The following BCAS3 variants were observed in gnomAD, a reference collection of about 807,000 sequenced individuals.
BCAS3 encodes the protein BCAS3 microtubule associated cell migration factor.
Under a neutral mutation model 116.1 loss-of-function variants are expected in BCAS3, and 53 were observed. The observed-to-expected ratio is 0.46, with a 90% CI of 0.37 to 0.57. The LOEUF (loss-of-function observed/expected upper bound fraction) is 0.57, where lower values mean the gene tolerates loss of function less well. Among genes scored for constraint, BCAS3 ranks in the 20% least tolerant of loss-of-function variants. The pLI is 0.00. For missense variants in BCAS3, 917 were observed against 1,165.4 expected, an observed-to-expected ratio of 0.79 and a Z score of 3.10; for synonymous variants, 391 against 408.2, an observed-to-expected ratio of 0.96 and a Z score of 0.51.
At chr17:60,835,796 G>A (rs537826167) in intron 7 of BCAS3, among the ~76,000 whole-genome samples, 23 of 152,046 alleles carry the variant, frequency 1.5e-4, no homozygotes, top group African/African-American at 3.4e-4. Context: ...TCATATTCTC[G>A]TGATGAAATT....
rs2076339770 is a variant in BCAS3, at chr17:61,131,511, C to A, written c.2425+46947C>A. On this transcript the variant is annotated intron_variant, in intron 22 of 23. Coordinates refer to ENST00000407086, the MANE Select transcript of BCAS3 (RefSeq NM_017679.5). The surrounding 1 kb of genome is among the most constrained non-coding windows in gnomAD (Gnocchi z 4.4). ...TTAAAATGAAATTATATTCCAAACT[C>A]ATAATTAAGTATGAACAATTTGCAT... is the stretch of plus-strand genomic sequence containing the variant. Among the ~76,000 whole-genome samples the A allele has an allele frequency of 6.6e-6, 1 of 152,166 alleles. No individual in the cohort carries two copies. Among genetic ancestry groups the A allele is most frequent in the South Asian group, 2.1e-4 (1 of 4,834 alleles).
chr17:60,825,857 G>GTTTT lies in BCAS3; in HGVS notation c.476+17796_476+17799dup, dbSNP rs770293138. ...TCTTAATACTATCTCTGGGGATTCA[G>GTTTT]TTTTTTTTTTTTTTTTTTGAGACGA... On this transcript the variant is annotated intron_variant, in intron 7 of 23. Coordinates refer to ENST00000407086, the MANE Select transcript of BCAS3 (RefSeq NM_017679.5). 6.9e-3 allele frequency among the ~76,000 whole-genome samples: 892 copies of GTTTT among 130,034 alleles called. 29 individuals carry two copies. The highest frequency in any genetic ancestry group is 0.023 in the African/African-American group (787 of 33,536). The allele number at this position is 130,034 out of a possible 152,430, so 85.3% of individuals were successfully genotyped here. A position where few individuals can be genotyped will look rare whatever the true frequency, so the allele number is the denominator to read the frequency against.
chr17:61,034,159 G>A lies in BCAS3; in HGVS notation c.1638-507G>A, dbSNP rs941635329. Among the ~76,000 whole-genome samples the A allele has an allele frequency of 3.3e-5, 5 of 152,132 alleles. No homozygotes were observed. Among genetic ancestry groups the A allele is most frequent in the African/African-American group, 1.2e-4 (5 of 41,412 alleles). ...ATTGTGGCCGAGAGAGCATTTTCAA[G>A]GCTTCATTCTATATCACCTCATTTT... On this transcript the variant is annotated intron_variant, in intron 16 of 23. Transcript: ENST00000407086. This position sits in a 1 kb window ranked among gnomAD's most constrained non-coding sequence, Gnocchi z 5.0.
Position 61,017,829 on chromosome 17 carries a change from T to C in BCAS3, c.1637+1928T>C, listed in dbSNP as rs2065568120. Reference sequence around the variant, plus strand: ...TCTCTCTCTCCCTCTTACAACCCGATTTCTCTCTACACTGAGATGAATAGA... The same window carrying C: ...TCTCTCTCTCCCTCTTACAACCCGACTTCTCTCTACACTGAGATGAATAGA... On this transcript the variant is annotated intron_variant, in intron 16 of 23. Coordinates refer to ENST00000407086, the MANE Select transcript of BCAS3 (RefSeq NM_017679.5). The surrounding 1 kb of genome is among the most constrained non-coding windows in gnomAD (Gnocchi z 4.7). 6.6e-6 allele frequency among the ~76,000 whole-genome samples: 1 copy of C among 152,130 alleles called. No homozygotes were observed. The highest frequency in any genetic ancestry group is 1.5e-5 in the Non-Finnish European group (1 of 67,996).
At chr17:61,170,004 GCCACCT>G (rs1747877447) in intron 22 of BCAS3, among the ~76,000 whole-genome samples, 1 of 151,604 alleles carries the variant, frequency 6.6e-6, no homozygotes, top group South Asian at 2.1e-4. Context: ...ACAGATGGAT[GCCACCT>G]CGCCTGGCTG....
intron 19 of BCAS3, among the ~76,000 whole-genome samples, chr17:61,046,047 A>AT (rs1491122054): frequency 1.2e-4 from 2 of 16,716 alleles, no homozygotes; most frequent in African/African-American, 4.7e-4. Flanking sequence ...ATATATATAT[A>AT]ATATATATAT....
intron 22 of BCAS3, among the ~76,000 whole-genome samples, chr17:61,120,034 C>T (rs1467503949): frequency 2.0e-5 from 3 of 151,956 alleles, no homozygotes; most frequent in Non-Finnish European, 4.4e-5. Flanking sequence ...AATAAGGAGA[C>T]TGATTATTTT....
chr17:60,870,397 A>G (rs2054999262), intron 8 of BCAS3, among the ~76,000 whole-genome samples: 1 of 152,144 alleles, frequency 6.6e-6, no homozygotes, highest in Non-Finnish European at 1.5e-5. Flanking sequence ...GCTCTGTTGG[A>G]GACCTAGTAG....
Position 61,068,613 on chromosome 17 carries a change from C to T in BCAS3, c.2030-6307C>T, listed in dbSNP as rs2070981763. 6.6e-6 allele frequency among the ~76,000 whole-genome samples: 1 copy of T among 152,220 alleles called. No individual in the cohort carries two copies. Among genetic ancestry groups the T allele is most frequent in the South Asian group, 2.1e-4 (1 of 4,826 alleles). ...ACACACTATGTGCACACCATTTCTA[C>T]TCTTGTACCATGTGGGATCTCTTGC... On this transcript the variant is annotated intron_variant, in intron 19 of 23. Transcript: ENST00000407086. The surrounding 1 kb of genome is among the most constrained non-coding windows in gnomAD (Gnocchi z 4.3).
At chr17:61,047,677 C>T (rs1374618596) in intron 19 of BCAS3, among the ~76,000 whole-genome samples, 4 of 151,944 alleles carry the variant, frequency 2.6e-5, no homozygotes, top group South Asian at 2.1e-4. Flanking sequence ...AACCATAGAA[C>T]ATATCAGTAA....
chr17:60,932,416 A>G (rs1858482247), intron 13 of BCAS3, among the ~76,000 whole-genome samples: 1 of 152,210 alleles, frequency 6.6e-6, no homozygotes, highest in African/African-American at 2.4e-5. Flanking sequence ...TTTGTTGAAT[A>G]AAATCAACTT....
chr17:60,704,373 T>C (rs1297088801), intron 4 of BCAS3, among the ~76,000 whole-genome samples: 1 of 152,202 alleles, frequency 6.6e-6, no homozygotes, highest in Non-Finnish European at 1.5e-5. Flanking sequence ...ACTGTCCTTA[T>C]CTATAATGCT....
rs932698663 is a variant in BCAS3, at chr17:61,286,976, T to C, written c.2426-81351T>C. ...TAAAGAGCTCTATGGAGGCCAGGCG[T>C]GGTGGCTCGCGCCTGTAATCCCAGC... is the stretch of plus-strand genomic sequence containing the variant. On this transcript the variant is annotated intron_variant, in intron 22 of 23. Coordinates refer to ENST00000407086, the MANE Select transcript of BCAS3 (RefSeq NM_017679.5). The surrounding 1 kb of genome is among the most constrained non-coding windows in gnomAD (Gnocchi z 4.8). Among the ~76,000 whole-genome samples, 3 of 152,132 alleles carry C rather than the reference T, an allele frequency of 2.0e-5. No individual in the cohort carries two copies. Among genetic ancestry groups the C allele is most frequent in the Non-Finnish European group, 4.4e-5 (3 of 68,010 alleles).
Position 61,315,612 on chromosome 17 carries a change from C to T in BCAS3, c.2426-52715C>T, listed in dbSNP as rs1015163556. 2.3e-4 allele frequency among the ~76,000 whole-genome samples: 35 copies of T among 152,216 alleles called. No homozygotes were observed. The highest frequency in any genetic ancestry group is 8.2e-4 in the African/African-American group (34 of 41,458). ...GAACCCCAATGATGCTGGGGTGCCT[C>T]TTCCTGTCCCCAAGGACTCTACAGC... On this transcript the variant is annotated intron_variant, in intron 22 of 23. Transcript: ENST00000407086. This position sits in a 1 kb window ranked among gnomAD's most constrained non-coding sequence, Gnocchi z 5.3.
At chr17:60,678,390 T>A (rs905300743) in intron 1 of BCAS3, among the ~76,000 whole-genome samples, 2 of 152,120 alleles carry the variant, frequency 1.3e-5, no homozygotes, top group Non-Finnish European at 2.9e-5. Context: ...AAAATGGTTT[T>A]CGGTGCCTTC....
rs1230177073 is a variant in BCAS3, at chr17:61,208,817, C to T, written c.2425+124253C>T. ...TGGTGCTCTCTGCAAACTTGCAGTG[C>T]AAGTCTATGATATAAGTGGTGTAGA... is the stretch of plus-strand genomic sequence containing the variant. On this transcript the variant is annotated intron_variant, in intron 22 of 23. Transcript: ENST00000407086. The surrounding 1 kb of genome is among the most constrained non-coding windows in gnomAD (Gnocchi z 4.5). Among the ~76,000 whole-genome samples the T allele has an allele frequency of 2.0e-5, 3 of 149,670 alleles. No homozygotes were observed. Among genetic ancestry groups the T allele is most frequent in the African/African-American group, 7.4e-5 (3 of 40,440 alleles).
chr17:60,901,706 A>C (rs1230709681), intron 10 of BCAS3, among the ~76,000 whole-genome samples: 1 of 152,230 alleles, frequency 6.6e-6, no homozygotes, highest in East Asian at 1.9e-4. Context: ...TAAAAGGATT[A>C]CATATCAGTC....
At chr17:60,856,621 G>A (rs1313753673) in intron 7 of BCAS3, among the ~76,000 whole-genome samples, 1 of 152,096 alleles carries the variant, frequency 6.6e-6, no homozygotes, top group Admixed American at 6.5e-5. Flanking sequence ...AACCTGGGAG[G>A]CAGAGGTAGC....
chr17:60,972,173 G>A (rs561855752), intron 14 of BCAS3, among the ~76,000 whole-genome samples: 1 of 152,272 alleles, frequency 6.6e-6, no homozygotes, highest in Non-Finnish European at 1.5e-5. Flanking sequence ...TTTAAGTACA[G>A]TCATGTAAGC....
Sources: allele counts gnomAD v4.1 joint callset (sites outside exome capture counted in the v4.1 genomes callset), GRCh38; gene constraint gnomAD v4.1.1; non-coding constraint Gnocchi (gnomAD v3.1); transcripts MANE v1.5; gene names NCBI Gene and HGNC (gene_info 2026-07-23, HGNC 2026-07-21).